Variants in PLCB1 observed in about 807,000 individuals in gnomAD.
PLCB1 encodes phospholipase C beta 1, also known as 1-phosphatidylinositol 4,5-bisphosphate phosphodiesterase beta-1.
Under a neutral mutation model 161.8 loss-of-function variants are expected in PLCB1, and 46 were observed. The ratio of observed to expected loss-of-function variants is 0.28; its 90% CI spans 0.22 to 0.36. PLCB1 has a LOEUF of 0.36. Ranked by LOEUF, PLCB1 falls within the 10% of genes least tolerant of loss-of-function variation. The pLI, the probability that PLCB1 is intolerant of heterozygous loss-of-function variation, is 1.00. For synonymous variants in PLCB1, 517 were observed against 503.7 expected (o/e 1.03, Z -0.35); for missense variants, 1,016 against 1,472.5 (o/e 0.69, Z 5.07).
chr20:8,574,085 A>T (rs1385410636), intron 3 of PLCB1, among the ~76,000 whole-genome samples: 10 of 152,256 alleles, frequency 6.6e-5, no homozygotes, highest in Admixed American at 6.5e-4. Context: ...GAAGGAATCA[A>T]GGCCAAAGAA....
At chr20:8,535,125 A>T (rs1984992065) in intron 3 of PLCB1, among the ~76,000 whole-genome samples, 1 of 140,304 alleles carries the variant, frequency 7.1e-6, no homozygotes, top group African/African-American at 2.6e-5. Context: ...AAAAAAAAAA[A>T]GGATAGAGTC....
intron 2 of PLCB1, among the ~76,000 whole-genome samples, chr20:8,310,162 G>T (rs1984332730): frequency 6.6e-6 from 1 of 151,856 alleles, no homozygotes; most frequent in Non-Finnish European, 1.5e-5. Context: ...GTTACGGTGG[G>T]TCTCTCTAGT....
chr20:8,797,433 A>G (rs1017043121), intron 31 of PLCB1, among the ~76,000 whole-genome samples: 8 of 152,180 alleles, frequency 5.3e-5, no homozygotes, highest in Non-Finnish European at 1.2e-4. Context: ...CATATAAAAT[A>G]AAATGAACCT....
chr20:8,614,189 CA>C (rs1282573231), intron 3 of PLCB1, among the ~76,000 whole-genome samples: 1 of 151,788 alleles, frequency 6.6e-6, no homozygotes, highest in African/African-American at 2.4e-5. Flanking sequence ...AGCAGACTAT[CA>C]AAGATAAAAA....
At chr20:8,845,352 T>G (rs965463504) in intron 31 of PLCB1, among the ~76,000 whole-genome samples, 2 of 152,232 alleles carry the variant, frequency 1.3e-5, no homozygotes, top group Admixed American at 1.3e-4. Flanking sequence ...TTTTTAGTAT[T>G]GTTTCTCAAA....
At chr20:8,143,825 C>T (rs1245358293) in intron 1 of PLCB1, among the ~76,000 whole-genome samples, 7 of 152,180 alleles carry the variant, frequency 4.6e-5, no homozygotes, top group Non-Finnish European at 1.0e-4. Flanking sequence ...GGATTTTAGA[C>T]GTATAAAGTC....
chr20:8,246,741 T>A, intron 2 of PLCB1, among the ~76,000 whole-genome samples: 1 of 151,982 alleles, frequency 6.6e-6, no homozygotes, highest in East Asian at 1.9e-4. Context: ...TGTGCATATG[T>A]GTTTCTGCTG....
chr20:8,771,596 G>T (rs1443628273), intron 26 of PLCB1, among the ~76,000 whole-genome samples: 1 of 152,032 alleles, frequency 6.6e-6, no homozygotes, highest in Non-Finnish European at 1.5e-5. Flanking sequence ...CAGCAGAGGG[G>T]ATAATGCCTT....
chr20:8,824,861 G>A (rs1024488579), intron 31 of PLCB1, among the ~76,000 whole-genome samples: 1 of 152,136 alleles, frequency 6.6e-6, no homozygotes, highest in Non-Finnish European at 1.5e-5. Context: ...TGGAGTAAGG[G>A]AGGAAAAATT....
At chr20:8,613,390 T>A (rs1987955439) in intron 3 of PLCB1, among the ~76,000 whole-genome samples, 1 of 152,212 alleles carries the variant, frequency 6.6e-6, no homozygotes, top group Non-Finnish European at 1.5e-5. Flanking sequence ...ATTTGGGTAC[T>A]GAACTTCAGG....
chr20:8,417,840 G>A (rs550332195), intron 3 of PLCB1, among the ~76,000 whole-genome samples: 1 of 152,306 alleles, frequency 6.6e-6, no homozygotes, highest in African/African-American at 2.4e-5. Context: ...TAATAATTCA[G>A]TCTAGCAGGA....
chr20:8,384,730 CTGT>C (rs1235658824), intron 3 of PLCB1, among the ~76,000 whole-genome samples: 3 of 152,038 alleles, frequency 2.0e-5, no homozygotes, highest in South Asian at 2.1e-4. Flanking sequence ...GTTGTTGATA[CTGT>C]TGTTGTTGCT....
At chr20:8,816,996 A>T (rs1320953966) in intron 31 of PLCB1, among the ~76,000 whole-genome samples, 1 of 152,202 alleles carries the variant, frequency 6.6e-6, no homozygotes, top group Non-Finnish European at 1.5e-5. Context: ...GTTTCTTGAT[A>T]TCATCACATT....
At chr20:8,546,313 CAAAAAAAAAAAAAA>C (rs369485988) in intron 3 of PLCB1, among the ~76,000 whole-genome samples, 27 of 102,888 alleles carry the variant, frequency 2.6e-4, no homozygotes, top group East Asian at 6.9e-4. Flanking sequence ...GACTCTATCT[CAAAAAAAAAAAAAA>C]AAAAAAAAAA....
intron 11 of PLCB1, among the ~76,000 whole-genome samples, chr20:8,707,899 A>G (rs1046217410): frequency 4.6e-5 from 7 of 152,204 alleles, no homozygotes; most frequent in African/African-American, 7.2e-5. Context: ...AAACCATGCT[A>G]AGTGAAAGGT....
intron 11 of PLCB1, among the ~76,000 whole-genome samples, chr20:8,703,039 AAG>A (rs1028379655): frequency 5.9e-5 from 9 of 152,134 alleles, no homozygotes; most frequent in African/African-American, 2.2e-4. Context: ...ATGGGTGAGA[AAG>A]AGAGAAAGGT....
Position 8,454,386 on chromosome 20 carries a change from C to T in PLCB1, c.246+82936C>T, listed in dbSNP as rs73897497. Among the ~76,000 whole-genome samples, 203 of 152,238 alleles carry T rather than the reference C, an allele frequency of 1.3e-3. 1 individual carries two copies. The highest frequency in any genetic ancestry group is 4.6e-3 in the African/African-American group (191 of 41,544). On this transcript the variant is annotated intron_variant, in intron 3 of 31. Coordinates refer to ENST00000338037, the MANE Select transcript of PLCB1 (RefSeq NM_015192.4). The stretch of plus-strand genomic sequence containing the variant: ...GCATGTGCTTCAAGGAGTAAAATGA[C>T]ATGTGTTTTTAAAAGATCAAACTGG...
At chr20:8,873,531 T>C (rs1987676853) in intron 31 of PLCB1, among the ~76,000 whole-genome samples, 1 of 152,096 alleles carries the variant, frequency 6.6e-6, no homozygotes, top group African/African-American at 2.4e-5. Context: ...ATGCTATTTT[T>C]ATGCTAAAAA....
intron 27 of PLCB1, among the ~76,000 whole-genome samples, chr20:8,777,994 C>T (rs1311524027): frequency 1.3e-5 from 2 of 152,068 alleles, no homozygotes; most frequent in Admixed American, 1.3e-4. Context: ...GAAAGACTTG[C>T]CCCCATGATT....
Sources: gnomAD v4.1 joint callset for allele counts (sites outside exome capture counted in the v4.1 genomes callset) on GRCh38, gnomAD v4.1.1 for gene constraint, MANE v1.5 for transcripts, NCBI Gene and HGNC (gene_info 2026-07-23, HGNC 2026-07-21) for gene names.